TMIGD3: variants seen among roughly 807,000 people sequenced by gnomAD.
The protein encoded by TMIGD3 is transmembrane and immunoglobulin domain containing 3.
Under a neutral mutation model 28.1 loss-of-function variants are expected in TMIGD3, and 21 were observed. That is an observed-to-expected ratio of 0.75 (90% confidence interval 0.53 to 1.08). The LOEUF is 1.08. TMIGD3 is among the 50% of genes least tolerant of loss of function. TMIGD3 has a pLI of 0.00. For synonymous variants in TMIGD3, 151 were observed against 162.1 expected, an observed-to-expected ratio of 0.93 and a Z score of 0.52; for missense variants, 416 against 435.6, an observed-to-expected ratio of 0.96 and a Z score of 0.40.
upstream of TMIGD3, among the ~76,000 whole-genome samples, chr1:111,504,301 T>A (rs1236733816): frequency 6.6e-6 from 1 of 152,186 alleles, no homozygotes; most frequent in South Asian, 2.1e-4. Context: ...AACGACAGAA[T>A]AGCAGAATGA....
intron 1 of TMIGD3, chr1:111,563,785 G>T: frequency 7.8e-7 from 1 of 1,276,568 alleles, no homozygotes; most frequent in Admixed American, 1.7e-5. Flanking sequence ...AAAGTGGTCA[G>T]TATGCAGACT....
At chr1:111,538,724 A>C (rs1354744204) in intron 1 of TMIGD3, among the ~76,000 whole-genome samples, 2 of 152,194 alleles carry the variant, frequency 1.3e-5, no homozygotes, top group African/African-American at 4.8e-5. Flanking sequence ...TTTCCATCTA[A>C]ATGCACTGGG....
intron 1 of TMIGD3, among the ~76,000 whole-genome samples, chr1:111,560,045 C>G (rs977458071): frequency 6.6e-6 from 1 of 152,178 alleles, no homozygotes; most frequent in Non-Finnish European, 1.5e-5. Context: ...CAATTTTTTT[C>G]ATTCAACACT....
At chr1:111,486,764 T>C in intron 3 of TMIGD3, 112 bp from the exon 4 acceptor site, 1 of 899,708 alleles carries the variant, frequency 1.1e-6, no homozygotes. Flanking sequence ...AGTCCCCTGG[T>C]TGACTCCAGA....
intron 1 of TMIGD3, among the ~76,000 whole-genome samples, chr1:111,520,208 T>C (rs1228031832): frequency 6.6e-6 from 1 of 152,184 alleles, no homozygotes; most frequent in Non-Finnish European, 1.5e-5. Context: ...TGCTTTCTTT[T>C]ATGGAGGAAA....
At chr1:111,552,097 A>C (rs1657285206) in intron 1 of TMIGD3, among the ~76,000 whole-genome samples, 1 of 152,258 alleles carries the variant, frequency 6.6e-6, no homozygotes. Context: ...CAAAGGCTAA[A>C]ACATTTACTT....
intron 1 of TMIGD3, among the ~76,000 whole-genome samples, chr1:111,511,976 CGG>C (rs1237538350): frequency 2.6e-5 from 4 of 150,944 alleles, no homozygotes; most frequent in Admixed American, 6.6e-5. Flanking sequence ...CCAGAGGGAA[CGG>C]AGGCCCAGAG....
At chr1:111,525,637 T>A (rs1249756763) in intron 1 of TMIGD3, among the ~76,000 whole-genome samples, 1 of 152,168 alleles carries the variant, frequency 6.6e-6, no homozygotes, top group Non-Finnish European at 1.5e-5. Context: ...CCGAGGCAGA[T>A]GGATCATTTG....
chr1:111,505,348 G>C (rs1655450397), upstream of TMIGD3, among the ~76,000 whole-genome samples: 1 of 152,100 alleles, frequency 6.6e-6, no homozygotes, highest in Non-Finnish European at 1.5e-5. Flanking sequence ...ACCCACTAGA[G>C]AGAATAAAGG....
chr1:111,491,216 C>T (rs1017043823), intron 1 of TMIGD3, among the ~76,000 whole-genome samples: 3 of 152,236 alleles, frequency 2.0e-5, no homozygotes, highest in Non-Finnish European at 4.4e-5. Context: ...CTGGGGAGTA[C>T]GGCCACGGGT....
chr1:111,523,794 C>G (rs1055707710), intron 1 of TMIGD3, among the ~76,000 whole-genome samples: 1 of 151,658 alleles, frequency 6.6e-6, no homozygotes, highest in Non-Finnish European at 1.5e-5. Context: ...GTGTGGGAGC[C>G]GTAGTTATGT....
intron 1 of TMIGD3, among the ~76,000 whole-genome samples, chr1:111,537,553 C>T (rs1656682390): frequency 6.6e-6 from 1 of 152,012 alleles, no homozygotes; most frequent in Admixed American, 6.5e-5. Context: ...GAAAATGAGA[C>T]CAAAGAGATC....
intron 1 of TMIGD3, among the ~76,000 whole-genome samples, chr1:111,513,954 C>T (rs1436925944): frequency 1.3e-5 from 2 of 152,260 alleles, no homozygotes; most frequent in Non-Finnish European, 1.5e-5. Flanking sequence ...GTGGGAGGGG[C>T]TGTGGGAAGA....
chr1:111,563,926 A>C, exon 1 of TMIGD3: 1 of 1,613,878 alleles, frequency 6.2e-7, no homozygotes, highest in Non-Finnish European at 8.5e-7. Flanking sequence ...CCTTCTGCTC[A>C]ATGGGTCCTG....
chr1:111,529,403 G>T (rs1329075397), intron 1 of TMIGD3, among the ~76,000 whole-genome samples: 9 of 150,260 alleles, frequency 6.0e-5, no homozygotes, highest in African/African-American at 2.0e-4. Flanking sequence ...TCATTCTTGG[G>T]TGTTTCTCGC....
intron 1 of TMIGD3, among the ~76,000 whole-genome samples, chr1:111,492,365 G>A (rs2100965082): frequency 6.6e-6 from 1 of 152,262 alleles, no homozygotes; most frequent in African/African-American, 2.4e-5. Flanking sequence ...TGCAAATATT[G>A]TTGTTATATT....
intron 2 of TMIGD3, 138 bp downstream of exon 2, chr1:111,490,518 C>G: frequency 1.6e-6 from 1 of 627,926 alleles, no homozygotes; most frequent in Middle Eastern, 3.8e-4. Flanking sequence ...CTATTTTCAT[C>G]GCCTTTTATT....
At chr1:111,494,194 C>G (rs1654786864) in intron 1 of TMIGD3, among the ~76,000 whole-genome samples, 1 of 152,100 alleles carries the variant, frequency 6.6e-6, no homozygotes, top group Non-Finnish European at 1.5e-5. Flanking sequence ...TAACAATCAA[C>G]CCAAAATGGC....
intron 2 of TMIGD3, among the ~76,000 whole-genome samples, chr1:111,489,947 T>G (rs1288787795): frequency 6.6e-6 from 1 of 152,172 alleles, no homozygotes. Context: ...GCAGAGCCCA[T>G]TCTTCTCTCA....
Sources: gnomAD v4.1 joint callset for allele counts (sites outside exome capture counted in the v4.1 genomes callset) on GRCh38, gnomAD v4.1.1 for gene constraint, MANE v1.5 for transcripts, NCBI Gene and HGNC (gene_info 2026-07-23, HGNC 2026-07-21) for gene names.